The following SDK1 variants were observed in gnomAD, a reference collection of about 807,000 sequenced individuals.
SDK1 encodes the protein protein sidekick-1.
A neutral mutation model predicts 245.5 loss-of-function variants in SDK1; 157 were observed. That is an observed-to-expected ratio of 0.64 (90% CI 0.56 to 0.73). SDK1 has a LOEUF of 0.73. Ranked by LOEUF, SDK1 falls within the 30% of genes least tolerant of loss-of-function variation. SDK1 has a pLI of 0.00. For synonymous variants in SDK1, 1,647 were observed against 1,278.5 expected (o/e 1.29, Z -6.15); for missense variants, 3,583 against 3,002.3 (o/e 1.19, Z -4.52).
chr7:3,793,572 T>C (rs1256453458), intron 4 of SDK1, among the ~76,000 whole-genome samples: 1 of 152,202 alleles, frequency 6.6e-6, no homozygotes, highest in Admixed American at 6.5e-5. Flanking sequence ...AGCTTTTGTA[T>C]CCTTCTTGTG....
chr7:3,690,310 A>AT (rs914949560), intron 4 of SDK1, among the ~76,000 whole-genome samples: 27 of 151,688 alleles, frequency 1.8e-4, no homozygotes, highest in South Asian at 4.2e-4. Flanking sequence ...TATGATATTG[A>AT]TTTTTTTTTA....
intron 5 of SDK1, among the ~76,000 whole-genome samples, chr7:3,914,974 G>A (rs1221952555): frequency 1.3e-5 from 2 of 152,194 alleles, no homozygotes; most frequent in South Asian, 2.1e-4. Context: ...GGATGCAGCT[G>A]TGAAACTTGA....
At chr7:4,221,523 C>G (rs2128232113) in intron 40 of SDK1, among the ~76,000 whole-genome samples, 159 bp downstream of exon 40, 1 of 152,338 alleles carries the variant, frequency 6.6e-6, no homozygotes, top group Middle Eastern at 3.4e-3. Flanking sequence ...CCATGGCTCA[C>G]TCAGCTCCTC....
intron 5 of SDK1, among the ~76,000 whole-genome samples, chr7:3,914,717 T>C (rs2128110244): frequency 6.6e-6 from 1 of 152,278 alleles, no homozygotes; most frequent in East Asian, 1.9e-4. Context: ...GGGAGGTGTC[T>C]CCAGAGCAGC....
chr7:3,765,742 C>A (rs922822825), intron 4 of SDK1, among the ~76,000 whole-genome samples: 6 of 152,114 alleles, frequency 3.9e-5, no homozygotes, highest in Non-Finnish European at 5.9e-5. Flanking sequence ...TTTGGTTTCT[C>A]CTTTACATCA....
At chr7:4,174,157 G>A (rs1371969470) in intron 32 of SDK1, 65 bp from the exon 33 acceptor site, 1 of 1,574,070 alleles carries the variant, frequency 6.4e-7, no homozygotes, top group Non-Finnish European at 8.7e-7. Context: ...GTGGAGGTGA[G>A]CCCTGCTGCA....
intron 2 of SDK1, among the ~76,000 whole-genome samples, chr7:3,636,897 T>A (rs1782471445): frequency 6.6e-6 from 1 of 152,196 alleles, no homozygotes; most frequent in Non-Finnish European, 1.5e-5. Flanking sequence ...AGATGACATC[T>A]CATTATGGTT....
intron 2 of SDK1, among the ~76,000 whole-genome samples, chr7:3,627,452 G>C (rs1331746306): frequency 1.3e-5 from 2 of 152,172 alleles, no homozygotes; most frequent in African/African-American, 4.8e-5. Context: ...TAGTCAATGA[G>C]CAGAGAAGGC....
Position 4,206,762 on chromosome 7 carries a change from A to G in SDK1, c.5214+768A>G, listed in dbSNP as rs116348420. ...ATGAAAACGCCCCCATCCTTCTCCT[A>G]AATAAATTCCCCTGTCTATTCTGCT... On this transcript the variant is annotated intron_variant, in intron 36 of 44. Coordinates refer to ENST00000404826, the MANE Select transcript of SDK1 (RefSeq NM_152744.4). Among the ~76,000 whole-genome samples the G allele has an allele frequency of 9.9e-3, 1,510 of 152,192 alleles. 28 individuals carry two copies. The highest frequency in any genetic ancestry group is 0.035 in the African/African-American group (1,447 of 41,520).
At chr7:3,608,371 C>G (rs1242236194) in intron 1 of SDK1, among the ~76,000 whole-genome samples, 2 of 152,126 alleles carry the variant, frequency 1.3e-5, no homozygotes, top group African/African-American at 4.8e-5. Flanking sequence ...CCCATTTTTA[C>G]TTGAAGTAGT....
At chr7:3,590,768 G>C (rs957673368) in intron 1 of SDK1, among the ~76,000 whole-genome samples, 1 of 147,412 alleles carries the variant, frequency 6.8e-6, no homozygotes, top group Non-Finnish European at 1.5e-5. Flanking sequence ...AGTGAGGGCT[G>C]AGTATAGCAC....
chr7:4,139,018 C>T (rs1001303407), intron 28 of SDK1, among the ~76,000 whole-genome samples: 14 of 152,358 alleles, frequency 9.2e-5, no homozygotes, highest in African/African-American at 2.9e-4. Context: ...CTTAGCCAAC[C>T]GCTGAGAGGC....
intron 5 of SDK1, among the ~76,000 whole-genome samples, chr7:3,862,867 C>G (rs74621435): frequency 0.012 from 1,798 of 152,264 alleles, 73 homozygotes; most frequent in Admixed American, 0.067. Context: ...GCATTAGATT[C>G]TCATAAGGAG....
intron 4 of SDK1, among the ~76,000 whole-genome samples, chr7:3,683,379 A>G (rs1784169068): frequency 1.3e-5 from 2 of 152,094 alleles, no homozygotes; most frequent in South Asian, 4.1e-4. Flanking sequence ...TGGTTTAGAC[A>G]ATAGGAAGCA....
At chr7:3,892,193 G>T (rs1014918023) in intron 5 of SDK1, among the ~76,000 whole-genome samples, 2 of 152,170 alleles carry the variant, frequency 1.3e-5, no homozygotes, top group Non-Finnish European at 2.9e-5. Context: ...CTACTTCTGT[G>T]TACCAATTTC....
intron 1 of SDK1, among the ~76,000 whole-genome samples, chr7:3,411,898 T>G (rs1004661835): frequency 1.3e-5 from 2 of 152,180 alleles, no homozygotes; most frequent in African/African-American, 4.8e-5. Context: ...AAGGGTATAT[T>G]GCAGGTTCTT....
chr7:3,991,627 C>T (rs112404040), intron 14 of SDK1, among the ~76,000 whole-genome samples: 124 of 152,314 alleles, frequency 8.1e-4, no homozygotes, highest in African/African-American at 2.9e-3. Flanking sequence ...CCCATATTAG[C>T]CTCTGGCTCT....
intron 1 of SDK1, among the ~76,000 whole-genome samples, chr7:3,599,717 C>T (rs1583212499): frequency 1.3e-5 from 2 of 152,254 alleles, no homozygotes; most frequent in Non-Finnish European, 2.9e-5. Flanking sequence ...AAAAGTCTGT[C>T]CCTCCTCCAC....
chr7:4,197,787 T>C (rs1274664663), intron 35 of SDK1, among the ~76,000 whole-genome samples: 1 of 152,166 alleles, frequency 6.6e-6, no homozygotes, highest in Non-Finnish European at 1.5e-5. Context: ...GCGCAGGCGC[T>C]CCTGACCTTC....
Sources: gnomAD v4.1 joint callset for allele counts (sites outside exome capture counted in the v4.1 genomes callset) on GRCh38, gnomAD v4.1.1 for gene constraint, MANE v1.5 for transcripts, NCBI Gene and HGNC (gene_info 2026-07-23, HGNC 2026-07-21) for gene names.